Variants in PRELID2 observed in about 807,000 individuals in gnomAD.
PRELID2 encodes PRELI domain containing 2, also known as PRELI domain-containing protein 2.
Under a neutral mutation model 28.4 loss-of-function variants are expected in PRELID2, and 25 were observed. That is an observed-to-expected ratio of 0.88 (90% CI 0.64 to 1.23). The LOEUF is 1.23. Among genes scored for constraint, PRELID2 ranks in the 50% most tolerant of loss-of-function variants. PRELID2 has a pLI of 0.00. For missense variants in PRELID2, 201 were observed against 214.4 expected, an observed-to-expected ratio of 0.94 and a Z score of 0.39; for synonymous variants, 76 against 71.6, an observed-to-expected ratio of 1.06 and a Z score of -0.31.
intron 1 of PRELID2, among the ~76,000 whole-genome samples, chr5:145,636,670 C>G (rs937378889): frequency 6.6e-6 from 1 of 152,178 alleles, no homozygotes; most frequent in African/African-American, 2.4e-5. Context: ...CTGTTTCTAT[C>G]CACCAGAAGA....
At chr5:145,596,338 A>G (rs767526340) in intron 1 of PRELID2, among the ~76,000 whole-genome samples, 1 of 152,068 alleles carries the variant, frequency 6.6e-6, no homozygotes, top group Admixed American at 6.6e-5. Context: ...TTTTATCTCT[A>G]TTTTACAGAC....
the PRELID2 span, among the ~76,000 whole-genome samples, chr5:145,314,213 C>A: frequency 6.6e-6 from 1 of 152,162 alleles, no homozygotes; most frequent in Non-Finnish European, 1.5e-5. Context: ...GGAACTGAAG[C>A]CCAGGTATGA....
At chr5:145,672,101 T>A (rs1019108297) in intron 1 of PRELID2, among the ~76,000 whole-genome samples, 14 of 152,182 alleles carry the variant, frequency 9.2e-5, no homozygotes, top group African/African-American at 3.4e-4. Context: ...CATGGCTCAC[T>A]TGTCAAAATC....
At chr5:145,549,411 T>C (rs1247380614) in intron 1 of PRELID2, among the ~76,000 whole-genome samples, 2 of 152,236 alleles carry the variant, frequency 1.3e-5, no homozygotes. Context: ...CTAGTATTTA[T>C]GCTCTACTAC....
intron 4 of PRELID2, among the ~76,000 whole-genome samples, chr5:145,811,082 CAAAAAAAAAAAAAAA>C (rs56978118): frequency 3.7e-3 from 100 of 26,736 alleles, no homozygotes; most frequent in South Asian, 0.013. Flanking sequence ...TGGCAGCAGG[CAAAAAAAAAAAAAAA>C]AAAAAAAAAA....
rs753319625 is a variant in PRELID2 at position 145,718,985 on chromosome 5, T to C, written n.70+45946A>G. 3.9e-5 allele frequency among the ~76,000 whole-genome samples: 6 copies of C among 152,200 alleles called. No individual in the cohort carries two copies. In the East Asian group the frequency reaches 9.6e-4, roughly 24 times the overall value. On this transcript the variant is annotated intron_variant and non_coding_transcript_variant, in intron 1 of 2. Transcript: ENST00000510259. ...ATATGGGAAAAAGAAGGTGACTGAT[T>C]TGATGGCATCAAATGTAAAGAGTTC...
chr5:145,614,437 C>A (rs1377535005), intron 1 of PRELID2, among the ~76,000 whole-genome samples: 4 of 152,234 alleles, frequency 2.6e-5, no homozygotes. Context: ...AGTATTGATT[C>A]TACCCATCCA....
the PRELID2 span, among the ~76,000 whole-genome samples, chr5:145,397,506 ATTGCATC>A: frequency 3.3e-5 from 5 of 152,224 alleles, no homozygotes; most frequent in Admixed American, 1.3e-4. Context: ...GTCAAAATAC[ATTGCATC>A]TTGCATCTTG....
At chr5:145,534,357 TA>T (rs1752681986) in intron 1 of PRELID2, among the ~76,000 whole-genome samples, 1 of 152,150 alleles carries the variant, frequency 6.6e-6, no homozygotes, top group African/African-American at 2.4e-5. Context: ...AAAAACTAAG[TA>T]AAAAATATTT....
the PRELID2 span, among the ~76,000 whole-genome samples, chr5:145,336,555 C>G: frequency 7.2e-5 from 11 of 152,044 alleles, no homozygotes; most frequent in South Asian, 8.3e-4. Flanking sequence ...GCTTGTTTTT[C>G]TCAGGTTTGT....
At chr5:145,697,591 T>C (rs1292028878) in intron 1 of PRELID2, among the ~76,000 whole-genome samples, 1 of 152,176 alleles carries the variant, frequency 6.6e-6, no homozygotes, top group Non-Finnish European at 1.5e-5. Flanking sequence ...ACAGAGACTC[T>C]ATGGCCTGCA....
At position 145,742,056 on chromosome 5, in the gene PRELID2, T is replaced by C. The variant is rs1308496698; in HGVS notation, n.70+22875A>G. 6.4e-5 allele frequency among the ~76,000 whole-genome samples: 7 copies of C among 109,602 alleles called. No homozygotes were observed. In the South Asian group the frequency reaches 1.9e-3, roughly 30 times the overall value. The allele number at this position is 109,602 out of a possible 152,430, so 71.9% of individuals were successfully genotyped here. On this transcript the variant is annotated intron_variant and non_coding_transcript_variant, in intron 1 of 2. Coordinates refer to the PRELID2 transcript ENST00000510259. ...TTCATTAATAATAAATAAATTTTAT[T>C]AATTTATTTATAATTATACGTAATT...
At chr5:145,737,233 C>T (rs1368341) in intron 1 of PRELID2, among the ~76,000 whole-genome samples, 124,148 of 151,712 alleles carry the variant, frequency 0.82, 51,213 homozygotes, top group East Asian at 0.88. Flanking sequence ...CAAGAAGAAG[C>T]ATAGGGTGCT....
chr5:145,359,022 C>T, the PRELID2 span, among the ~76,000 whole-genome samples: 1 of 152,200 alleles, frequency 6.6e-6, no homozygotes, highest in African/African-American at 2.4e-5. Context: ...ATCCCAGCAG[C>T]CACTTCCCTA....
chr5:145,568,845 G>A (rs1375979051), intron 1 of PRELID2, among the ~76,000 whole-genome samples: 1 of 152,168 alleles, frequency 6.6e-6, no homozygotes, highest in Non-Finnish European at 1.5e-5. Flanking sequence ...GAAAACCTGG[G>A]ACAGGATGTT....
At chr5:145,587,471 G>T (rs1320171876) in intron 1 of PRELID2, among the ~76,000 whole-genome samples, 2 of 152,082 alleles carry the variant, frequency 1.3e-5, no homozygotes, top group Non-Finnish European at 2.9e-5. Flanking sequence ...TGCTGACAGG[G>T]CATATACCCA....
chr5:145,304,818 T>C, the PRELID2 span, among the ~76,000 whole-genome samples: 262 of 152,242 alleles, frequency 1.7e-3, no homozygotes, highest in African/African-American at 6.0e-3. Flanking sequence ...CTACATAGTA[T>C]AGAAAAGACA....
intron 1 of PRELID2, among the ~76,000 whole-genome samples, chr5:145,515,120 T>A (rs1199987962): frequency 4.6e-5 from 7 of 151,908 alleles, no homozygotes; most frequent in Admixed American, 4.6e-4. Context: ...AGCAAACAAA[T>A]TCAAAAGCTA....
intron 1 of PRELID2, among the ~76,000 whole-genome samples, chr5:145,568,548 A>C (rs1022259120): frequency 5.3e-5 from 8 of 152,228 alleles, no homozygotes; most frequent in Non-Finnish European, 1.2e-4. Flanking sequence ...ATTATTTACT[A>C]TCTATAAGAT....
Sources: allele counts gnomAD v4.1 joint callset (sites outside exome capture counted in the v4.1 genomes callset), GRCh38; gene constraint gnomAD v4.1.1; transcripts MANE v1.5; gene names NCBI Gene and HGNC (gene_info 2026-07-23, HGNC 2026-07-21).